SH3PXD2A: variants seen among roughly 807,000 people sequenced by gnomAD.
SH3PXD2A encodes the protein SH3 and PX domain-containing protein 2A.
A neutral mutation model predicts 115.2 loss-of-function variants in SH3PXD2A; 32 were observed. The ratio of observed to expected loss-of-function variants is 0.28; its 90% confidence interval spans 0.21 to 0.37. The LOEUF is 0.37. Ranked by LOEUF, SH3PXD2A falls within the 10% of genes least tolerant of loss-of-function variation. The pLI, the probability that SH3PXD2A is intolerant of heterozygous loss-of-function variation, is 1.00. For synonymous variants in SH3PXD2A, 610 were observed against 629.1 expected (o/e 0.97, Z 0.45); for missense variants, 1,328 against 1,498.7 (o/e 0.89, Z 1.88).
intron 5 of SH3PXD2A, among the ~76,000 whole-genome samples, chr10:103,716,153 C>T (rs1589426317): frequency 6.6e-6 from 1 of 152,168 alleles, no homozygotes; most frequent in South Asian, 2.1e-4. Flanking sequence ...CCCTCAGTGT[C>T]CTAAGCCAGC....
chr10:103,840,623 G>T (rs978447656), intron 1 of SH3PXD2A, among the ~76,000 whole-genome samples: 2 of 152,242 alleles, frequency 1.3e-5, no homozygotes, highest in Non-Finnish European at 2.9e-5. Context: ...TTTCGCGAAG[G>T]ACTCTGGAGT....
At chr10:103,763,369 T>C (rs2038720874) in intron 3 of SH3PXD2A, among the ~76,000 whole-genome samples, 1 of 152,210 alleles carries the variant, frequency 6.6e-6, no homozygotes. Flanking sequence ...GGAGCTAAAA[T>C]TGAGACCCTT....
intron 3 of SH3PXD2A, 129 bp downstream of exon 3, chr10:103,766,965 A>C: frequency 1.4e-5 from 9 of 645,560 alleles, no homozygotes; most frequent in East Asian, 2.9e-5. Flanking sequence ...CCCTGGGGGA[A>C]TTGTTCATAT....
intron 1 of SH3PXD2A, among the ~76,000 whole-genome samples, chr10:103,829,634 G>A (rs572386791): frequency 2.0e-5 from 3 of 152,364 alleles, no homozygotes; most frequent in South Asian, 2.1e-4. Flanking sequence ...CAGAAAGACC[G>A]TGATGCCGCC....
At chr10:103,656,955 G>A (rs2037222157) in intron 8 of SH3PXD2A, among the ~76,000 whole-genome samples, 1 of 151,868 alleles carries the variant, frequency 6.6e-6, no homozygotes, top group African/African-American at 2.4e-5. Flanking sequence ...TGGGTTTGGT[G>A]AGATTTTCCT....
At chr10:103,850,415 C>T (rs968774973) in intron 1 of SH3PXD2A, among the ~76,000 whole-genome samples, 5 of 152,248 alleles carry the variant, frequency 3.3e-5, no homozygotes, top group Admixed American at 6.5e-5. Flanking sequence ...GTGAATCACC[C>T]CTCGATCACT....
chr10:103,611,629 G>C lies in SH3PXD2A; in HGVS notation c.1260C>G (p.Ser420Arg), dbSNP rs1360619411. 2 of 1,613,670 alleles carry C rather than the reference G, an allele frequency of 1.2e-6. No individual in the cohort carries two copies. The highest frequency in any genetic ancestry group is 1.3e-5 in the African/African-American group (1 of 75,048). Reference sequence around the variant, plus strand: ...GAGGTCTTGTCCGTAGGTTCGGGGAGCCTAGAGGAAGAGACATGGCTTCAG... The same window carrying C: ...GAGGTCTTGTCCGTAGGTTCGGGGACCCTAGAGGAAGAGACATGGCTTCAG... The part of the protein sequence containing the change: ...ARIAPQRAQI[S>R]SPNLRTRPPP... Residue 420 changes from serine (S) to arginine (R), a missense_variant and splice_region_variant, in exon 13 of 15, where the codon AGC becomes AGG. By Grantham distance (110) the Ser-to-Arg change is moderately radical. This residue lies in a region of SH3PXD2A where 509 missense variants were observed against 628.3 expected (regional missense o/e 0.81). Coordinates refer to ENST00000369774, the MANE Select transcript of SH3PXD2A (RefSeq NM_001394015.1).
intron 6 of SH3PXD2A, among the ~76,000 whole-genome samples, chr10:103,691,750 A>G (rs73332626): frequency 6.6e-6 from 1 of 152,068 alleles, no homozygotes; most frequent in African/African-American, 2.4e-5. Flanking sequence ...TCTCAACCAC[A>G]CACACACCCC....
intron 8 of SH3PXD2A, among the ~76,000 whole-genome samples, chr10:103,644,111 TCC>T (rs2036996854): frequency 2.1e-5 from 1 of 48,436 alleles, no homozygotes; most frequent in African/African-American, 1.1e-4. Context: ...CGAGGCTCCA[TCC>T]CAAAAAAAAA....
At chr10:103,808,832 G>A (rs2039234777) in intron 1 of SH3PXD2A, among the ~76,000 whole-genome samples, 1 of 151,982 alleles carries the variant, frequency 6.6e-6, no homozygotes, top group Non-Finnish European at 1.5e-5. Flanking sequence ...CTTCTCCCCC[G>A]AGGCTCACTA....
chr10:103,721,180 C>T (rs1162874973), intron 5 of SH3PXD2A, among the ~76,000 whole-genome samples: 1 of 152,262 alleles, frequency 6.6e-6, no homozygotes, highest in East Asian at 1.9e-4. Flanking sequence ...CTTCCATGAA[C>T]ACAGGTGTGG....
In SH3PXD2A at chr10:103,697,104, G is replaced by C. The variant is rs560556076; in HGVS notation, c.399-4048C>G. On this transcript the variant is annotated intron_variant, in intron 5 of 14. Coordinates refer to ENST00000369774, the MANE Select transcript of SH3PXD2A (RefSeq NM_001394015.1). ...GTTTGGATGAGCAGGTTCTGGAGAC[G>C]GAGGCCTCCAGTTCAAATCCCTGCT... 3.3e-5 allele frequency among the ~76,000 whole-genome samples: 5 copies of C among 152,102 alleles called. 1 individual carries two copies. The South Asian group carries it at 6.2e-4, about 19-fold the overall frequency.
intron 2 of SH3PXD2A, among the ~76,000 whole-genome samples, chr10:103,772,767 C>T (rs1564885561): frequency 6.6e-6 from 1 of 152,160 alleles, no homozygotes; most frequent in Non-Finnish European, 1.5e-5. Context: ...CCCAAGAGGC[C>T]GGCTCCTCGC....
At chr10:103,783,369 C>T (rs1040522831) in intron 2 of SH3PXD2A, among the ~76,000 whole-genome samples, 51 of 152,160 alleles carry the variant, frequency 3.4e-4, no homozygotes, top group Admixed American at 5.9e-4. Flanking sequence ...CTCAGTTGCC[C>T]AGGTGACAGG....
At chr10:103,703,849 T>C (rs2037949044) in intron 5 of SH3PXD2A, among the ~76,000 whole-genome samples, 1 of 152,266 alleles carries the variant, frequency 6.6e-6, no homozygotes, top group Admixed American at 6.5e-5. Context: ...TTGGCTCCCA[T>C]GGTGCGTGTG....
At chr10:103,663,926 C>A (rs1358310605) in intron 7 of SH3PXD2A, among the ~76,000 whole-genome samples, 2 of 152,252 alleles carry the variant, frequency 1.3e-5, no homozygotes, top group African/African-American at 2.4e-5. Flanking sequence ...AGCAGCCCTG[C>A]TAAAGCCGGG....
At chr10:103,818,781 T>G (rs189282679) in intron 1 of SH3PXD2A, among the ~76,000 whole-genome samples, 339 of 152,292 alleles carry the variant, frequency 2.2e-3, no homozygotes, top group Middle Eastern at 6.8e-3. Context: ...TGGGCCAGCC[T>G]TCTCCCATGT....
intron 8 of SH3PXD2A, among the ~76,000 whole-genome samples, chr10:103,637,180 C>T (rs889613497): frequency 6.6e-6 from 1 of 152,206 alleles, no homozygotes; most frequent in Non-Finnish European, 1.5e-5. Flanking sequence ...ACGCGGGGTT[C>T]GATTGCCGCC....
intron 9 of SH3PXD2A, among the ~76,000 whole-genome samples, chr10:103,623,809 G>C (rs1010347246): frequency 6.6e-6 from 1 of 152,234 alleles, no homozygotes; most frequent in African/African-American, 2.4e-5. Context: ...ACATGAATCA[G>C]GTCCTGTGCA....
Sources: gnomAD v4.1 joint callset for allele counts (sites outside exome capture counted in the v4.1 genomes callset) on GRCh38, gnomAD v4.1.1 for gene constraint, gnomAD v4.1.1 regional missense constraint, MANE v1.5 for transcripts, NCBI Gene and HGNC (gene_info 2026-07-23, HGNC 2026-07-21) for gene names.